Variants in ITIH6 observed in about 807,000 individuals in gnomAD.
ITIH6 encodes the protein inter-alpha-trypsin inhibitor heavy chain H6.
A neutral mutation model predicts 58.2 loss-of-function variants in ITIH6; 60 were observed. The observed-to-expected ratio is 1.03, with a 90% confidence interval of 0.84 to 1.28. The LOEUF is 1.28. Ranked by LOEUF, ITIH6 falls within the 50% of genes most tolerant of loss-of-function variation. The pLI, the probability that ITIH6 is intolerant of heterozygous loss-of-function variation, is 0.00. For synonymous variants in ITIH6, 493 were observed against 417.4 expected, an observed-to-expected ratio of 1.18 and a Z score of -2.21; for missense variants, 1,290 against 1,021.1, an observed-to-expected ratio of 1.26 and a Z score of -3.59.
At chrX:54,765,984 G>C (rs1183943559) in intron 6 of ITIH6, among the ~76,000 whole-genome samples, 1 of 111,351 alleles carries the variant, frequency 9.0e-6, no homozygotes, top group East Asian at 2.8e-4. Flanking sequence ...ACCTTAGGCA[G>C]TATGGCCATT....
Position 54,753,694 on chromosome X carries a change from C to T in ITIH6, c.3309G>A (p.Gly1103=). Residue 1103 remains glycine (G), a synonymous_variant, in exon 11 of 13, where the codon GGG becomes GGA. Coordinates refer to ENST00000218436, the MANE Select transcript of ITIH6 (RefSeq NM_198510.3). The part of the protein sequence containing the change: ...SEEKICFTLN[G]HPGDLLQLIE... ...TGAGCTGCAGCAAGTCCCCAGGGTG[C>T]CCATTCAGTGTGAAGCAGATCTTCT... 1.7e-6 allele frequency: 2 copies of T among 1,210,786 alleles called. No individual in the cohort carries two copies. The highest frequency in any genetic ancestry group is 1.7e-5 in the African/African-American group (1 of 57,607).
chrX:54,755,153 G>T (rs1928461092), intron 8 of ITIH6, 44 bp from the exon 9 acceptor site: 12 of 1,097,295 alleles, frequency 1.1e-5, no homozygotes, highest in Non-Finnish European at 1.5e-5. Flanking sequence ...AAATTCCAGG[G>T]GCAAAGTCTC....
At chrX:54,771,470 T>G (rs1453221511) in intron 6 of ITIH6, among the ~76,000 whole-genome samples, 1 of 112,250 alleles carries the variant, frequency 8.9e-6, no homozygotes, top group Non-Finnish European at 1.9e-5. Context: ...TCCAGTCTAC[T>G]GATGAGTGAA....
intron 11 of ITIH6, among the ~76,000 whole-genome samples, chrX:54,752,824 A>T (rs1928392870): frequency 8.9e-6 from 1 of 112,404 alleles, no homozygotes; most frequent in Non-Finnish European, 1.9e-5. Flanking sequence ...AGACAAAAGC[A>T]CAATCAAAGC....
At chrX:54,797,561 C>T in intron 1 of ITIH6, among the ~76,000 whole-genome samples, 1 of 112,124 alleles carries the variant, frequency 8.9e-6, no homozygotes, top group East Asian at 2.8e-4. Context: ...CTGTCCAAGG[C>T]ACTGTGATAA....
rs1929454740 is a variant in ITIH6, at chrX:54,796,997, C to T, written c.202G>A (p.Glu68Lys). The change falls in exon 2 of 13, where the codon GAA becomes AAA. Residue 68 changes from glutamate (E) to lysine (K), a missense_variant. Physicochemically the swap from Glu to Lys is moderately conservative, Grantham distance 56 (BLOSUM62 1). Transcript: ENST00000218436. ...GGCAGATCCAGGTCAAAGATGGCTT[C>T]ATGGGCTTCAGCATGTGGATTAAAC... is the stretch of plus-strand genomic sequence containing the variant. ...VLFNPHAEAHEAIFDLDLPHL... is the reference protein window; with the variant it reads ...VLFNPHAEAHKAIFDLDLPHL... The T allele has an allele frequency of 1.7e-6, 2 of 1,211,229 alleles. No homozygotes were observed. The highest frequency in any genetic ancestry group is 1.1e-6 in the Non-Finnish European group (1 of 894,951).
rs1457753474 is a variant in ITIH6, at chrX:54,749,453, C to T, written c.*442G>A. ...ACTAGGATTTGAAGGATGAATTATA[C>T]TCACCTACAGGAACAAAGGAAGAGT... is the stretch of plus-strand genomic sequence containing the variant. On this transcript the variant is annotated 3_prime_UTR_variant, in exon 13 of 13. Coordinates refer to ENST00000218436, the MANE Select transcript of ITIH6 (RefSeq NM_198510.3). 8.4e-6 allele frequency: 1 copy of T among 118,664 alleles called. No homozygotes were observed. Among genetic ancestry groups the T allele is most frequent in the East Asian group, 2.7e-4 (1 of 3,700 alleles). 9.8% of individuals were successfully genotyped at this position (118,664 alleles called of 1,213,427 possible).
rs753225350 is a variant in ITIH6 at position 54,758,356 on chromosome X, A to G, written c.1718T>C (p.Leu573Pro). The G allele has an allele frequency of 2.8e-5, 34 of 1,210,585 alleles. No individual in the cohort carries two copies. The highest frequency in any genetic ancestry group is 3.6e-5 in the Non-Finnish European group (32 of 895,324). ...LWAYVTIGEL[L>P]DAHFQARDTT... ...GTCACGAGCTTGGAAGTGTGCATCC[A>G]GCAGTTCTCCAATGGTGACATAGGC... The change falls in exon 8 of 13, where the codon CTG becomes CCG. Residue 573 changes from leucine (L) to proline (P), a missense_variant. Transcript: ENST00000218436.
chrX:54,769,097 T>G (rs1300442458), intron 6 of ITIH6, among the ~76,000 whole-genome samples: 1 of 98,777 alleles, frequency 1.0e-5, no homozygotes, highest in Non-Finnish European at 2.0e-5. Context: ...CTTTTGTCTC[T>G]AAACTTCCCT....
chrX:54,755,023 C>G lies in ITIH6; in HGVS notation c.3196G>C (p.Ala1066Pro). Residue 1066 changes from alanine (A) to proline (P), a missense_variant, in exon 9 of 13, where the codon GCA (alanine) becomes CCA (proline). By Grantham distance (27) the Ala-to-Pro change is conservative (BLOSUM62 -1). Transcript: ENST00000218436. Reference sequence around the variant, plus strand: ...AGGAGAGCTCCTTGCTCACCTTTTGCTAACCCCACAGAACTTCCTTGAGAT... The same window carrying G: ...AGGAGAGCTCCTTGCTCACCTTTTGGTAACCCCACAGAACTTCCTTGAGAT... The part of the protein sequence containing the change: ...MESQGSSVGL[A>P]KGTLPSIFTF... 8.3e-7 allele frequency: 1 copy of G among 1,206,491 alleles called. No individual in the cohort carries two copies. The highest frequency in any genetic ancestry group is 1.1e-6 in the Non-Finnish European group (1 of 890,883).
chrX:54,756,330 T>G (rs1928484596), intron 8 of ITIH6, among the ~76,000 whole-genome samples: 1 of 111,526 alleles, frequency 9.0e-6, no homozygotes, highest in Non-Finnish European at 1.9e-5. Flanking sequence ...TGACTAGCTG[T>G]GTGACATTGA....
At position 54,757,100 on chromosome X, in the gene ITIH6, T is replaced by C; in HGVS notation, c.2974A>G (p.Ile992Val). ...AGCAGACTGATGGCCTCAGGGAGGA[T>C]GCTAGAAGGCAGCAAGATTGGCAGG... ...PNLPILLPSS[I>V]LPEAISLLLL... is the part of the protein sequence containing the mutation. Residue 992 changes from isoleucine (I) to valine (V), a missense_variant, in exon 8 of 13, where the codon ATC (isoleucine) becomes GTC (valine). Coordinates refer to ENST00000218436, the MANE Select transcript of ITIH6 (RefSeq NM_198510.3). The C allele has an allele frequency of 8.3e-7, 1 of 1,211,278 alleles. No individual in the cohort carries two copies. The highest frequency in any genetic ancestry group is 3.0e-5 in the East Asian group (1 of 33,828).
chrX:54,750,777 C>A (rs1409864418), intron 12 of ITIH6, among the ~76,000 whole-genome samples: 1 of 111,824 alleles, frequency 8.9e-6, no homozygotes, highest in Non-Finnish European at 1.9e-5. Flanking sequence ...AATTCCCCCA[C>A]TCTGGTTTTC....
chrX:54,757,676 G>C lies in ITIH6; in HGVS notation c.2398C>G (p.Gln800Glu), dbSNP rs1300228424. 8.3e-7 allele frequency: 1 copy of C among 1,211,005 alleles called. No homozygotes were observed. Among genetic ancestry groups the C allele is most frequent in the East Asian group, 3.0e-5 (1 of 33,833 alleles). The stretch of plus-strand genomic sequence containing the variant: ...GACTGTGGCAGGCCTTTAGGTGCCT[G>C]TGATGTGAGTGCCCCAAGTTGGGGG... ...SHPQLGALTS[Q>E]APKGLPQSRP... The change falls in exon 8 of 13, where the codon CAG becomes GAG. Residue 800 changes from glutamine to glutamate, a missense_variant. By Grantham distance (29) the Gln-to-Glu change is conservative. Transcript: ENST00000218436.
intron 5 of ITIH6, among the ~76,000 whole-genome samples, chrX:54,775,118 A>G (rs754157786): frequency 2.1e-3 from 231 of 111,437 alleles, no homozygotes; most frequent in Non-Finnish European, 3.9e-3. Flanking sequence ...CACATGTGCA[A>G]TTGCAGCCTC....
At chrX:54,785,689 C>T (rs1256101746) in intron 5 of ITIH6, among the ~76,000 whole-genome samples, 1 of 111,558 alleles carries the variant, frequency 9.0e-6, no homozygotes, top group African/African-American at 3.3e-5. Flanking sequence ...TCTGTCTGCC[C>T]ACTCCCTTCG....
chrX:54,758,186 G>A lies in ITIH6; in HGVS notation c.1888C>T (p.Pro630Ser), dbSNP rs1928547780. ...CTGGATGAGGGCATGATGGTGTCTGGCCCAGCAGAGGTGGAAGTCTGTCTC... is the reference window on the plus strand; with the variant it reads ...CTGGATGAGGGCATGATGGTGTCTGACCCAGCAGAGGTGGAAGTCTGTCTC... ...TRRQTSTSAG[P>S]DTIMPSSSSR... Residue 630 changes from proline to serine, a missense_variant, in exon 8 of 13, where the codon CCA (proline) becomes TCA (serine). Physicochemically the swap from Pro to Ser is moderately conservative, Grantham distance 74 (BLOSUM62 -1). Transcript: ENST00000218436. 1 of 1,211,138 alleles carries A rather than the reference G, an allele frequency of 8.3e-7. No individual in the cohort carries two copies. The highest frequency in any genetic ancestry group is 1.7e-5 in the African/African-American group (1 of 57,796).
Position 54,751,276 on chromosome X carries a change from G to A in ITIH6, c.3457C>T (p.Arg1153Trp), listed in dbSNP as rs201158794. Residue 1153 changes from arginine to tryptophan, a missense_variant, in exon 12 of 13, where the codon CGG (arginine) becomes TGG (tryptophan). Arg to Trp is a moderately radical substitution (Grantham distance 101, BLOSUM62 -3). Coordinates refer to ENST00000218436, the MANE Select transcript of ITIH6 (RefSeq NM_198510.3). The stretch of plus-strand genomic sequence containing the variant: ...CGGCTGATGGTGATAGTATAGGCCC[G>A]GGGTTTGTCTGTAGTGACTGTGATG... ...QIITVTTDKP[R>W]AYTITISRSS... The A allele has an allele frequency of 9.1e-6, 11 of 1,210,255 alleles. No individual in the cohort carries two copies. The Admixed American group carries it at 1.3e-4, about 14-fold the overall frequency.
intron 6 of ITIH6, among the ~76,000 whole-genome samples, chrX:54,764,465 C>G (rs1421922403): frequency 9.6e-6 from 1 of 104,319 alleles, no homozygotes; most frequent in East Asian, 3.1e-4. Context: ...TGTGTCCATG[C>G]GATCTCATTG....
Sources: gnomAD v4.1 joint callset for allele counts (sites outside exome capture counted in the v4.1 genomes callset) on GRCh38, gnomAD v4.1.1 for gene constraint, MANE v1.5 for transcripts, NCBI Gene and HGNC (gene_info 2026-07-23, HGNC 2026-07-21) for gene names.